Variants in GDAP1 observed in about 807,000 individuals in gnomAD.
GDAP1 encodes ganglioside-induced differentiation-associated protein 1.
A neutral mutation model predicts 40.1 loss-of-function variants in GDAP1; 34 were observed. The ratio of observed to expected loss-of-function variants is 0.85; its 90% CI spans 0.64 to 1.13. The LOEUF (loss-of-function observed/expected upper bound fraction) is 1.13. GDAP1 is among the 50% of genes most tolerant of loss of function. The probability of loss-of-function intolerance (pLI) is 0.00; values close to 1 mark genes in which losing one functional copy is unlikely to be tolerated. For synonymous variants in GDAP1, 170 were observed against 157.4 expected (o/e 1.08, Z -0.60); for missense variants, 374 against 433.7 (o/e 0.86, Z 1.22).
At chr8:74,469,402 C>T (rs1208396763) in intron 2 of GDAP1, among the ~76,000 whole-genome samples, 1 of 152,166 alleles carries the variant, frequency 6.6e-6, no homozygotes, top group Admixed American at 6.5e-5. Context: ...GGCGCAGTGG[C>T]TCACGCCTGT....
intron 2 of GDAP1, among the ~76,000 whole-genome samples, chr8:74,479,883 G>T (rs1283818057): frequency 6.6e-6 from 1 of 152,144 alleles, no homozygotes; most frequent in Non-Finnish European, 1.5e-5. Context: ...CCTAGGCTTG[G>T]AACTCACAAT....
chr8:74,360,937 ACACT>A (rs1331293537), intron 3 of GDAP1, among the ~76,000 whole-genome samples: 2 of 152,208 alleles, frequency 1.3e-5, no homozygotes, highest in African/African-American at 4.8e-5. Context: ...TTGATCAGAA[ACACT>A]CAAACTCAGA....
At chr8:74,373,243 C>A (rs200572669) in intron 2 of GDAP1, among the ~76,000 whole-genome samples, 8,530 of 152,008 alleles carry the variant, frequency 0.056, 284 homozygotes, top group East Asian at 0.12. Flanking sequence ...AATGCAGGCT[C>A]TTTTTTGGTT....
At chr8:74,428,745 G>C (rs923420978) in intron 2 of GDAP1, among the ~76,000 whole-genome samples, 1 of 140,410 alleles carries the variant, frequency 7.1e-6, no homozygotes, top group Non-Finnish European at 1.5e-5. Flanking sequence ...GCCTCCCAAA[G>C]TGCTGAGATT....
At chr8:74,412,806 C>T (rs1226028281) in intron 2 of GDAP1, among the ~76,000 whole-genome samples, 1 of 149,190 alleles carries the variant, frequency 6.7e-6, no homozygotes, top group East Asian at 1.9e-4. Context: ...CGCCTGTAAT[C>T]CCAGCACTTT....
At chr8:74,457,187 C>G (rs148408293) in intron 2 of GDAP1, among the ~76,000 whole-genome samples, 50 of 152,142 alleles carry the variant, frequency 3.3e-4, no homozygotes, top group Non-Finnish European at 5.9e-4. Context: ...TTTGAGGAGG[C>G]TGAGGGAATA....
intron 2 of GDAP1, among the ~76,000 whole-genome samples, chr8:74,486,165 A>G (rs1372532439): frequency 6.6e-6 from 1 of 152,194 alleles, no homozygotes; most frequent in East Asian, 1.9e-4. Context: ...ATCATTACCT[A>G]CAGGAAAATG....
intron 2 of GDAP1, among the ~76,000 whole-genome samples, chr8:74,402,089 A>C (rs1274722674): frequency 1.3e-5 from 2 of 150,312 alleles, no homozygotes; most frequent in East Asian, 1.9e-4. Flanking sequence ...CAAAGCTGTC[A>C]GACAGGGACA....
chr8:74,402,354 G>T (rs970765384), intron 2 of GDAP1, among the ~76,000 whole-genome samples: 1 of 150,382 alleles, frequency 6.6e-6, no homozygotes, highest in African/African-American at 2.5e-5. Flanking sequence ...AGGACCCTCC[G>T]AGCCAGTTGC....
chr8:74,443,156 C>T (rs1806182989), intron 2 of GDAP1, among the ~76,000 whole-genome samples: 1 of 152,102 alleles, frequency 6.6e-6, no homozygotes, highest in Non-Finnish European at 1.5e-5. Context: ...AGGAAGTGCC[C>T]AGTGAGCCTG....
At chr8:74,359,985 TG>T in intron 2 of GDAP1, 151 bp from the exon 3 acceptor site, 39 of 2,000 alleles carry the variant, frequency 0.019, 19 homozygotes, top group Admixed American at 0.036. Flanking sequence ...TTTCAAACTT[TG>T]AATGAATGTC....
At chr8:74,416,957 T>C (rs1486544982) in intron 2 of GDAP1, among the ~76,000 whole-genome samples, 1 of 145,184 alleles carries the variant, frequency 6.9e-6, no homozygotes, top group Non-Finnish European at 1.5e-5. Flanking sequence ...AGAGGCATAG[T>C]GCACTGCTGG....
chr8:74,365,231 G>T lies in GDAP1; in HGVS notation c.*864G>T. On this transcript the variant is annotated 3_prime_UTR_variant, in exon 6 of 6. Transcript: ENST00000220822. ...CCAAATATGTTCATTCTTCGTTTGGGGAGGCTGGTCTGTAAACACAAAAAT... is the reference window on the plus strand; with the variant it reads ...CCAAATATGTTCATTCTTCGTTTGGTGAGGCTGGTCTGTAAACACAAAAAT... 2.2e-6 allele frequency: 1 copy of T among 454,086 alleles called. No homozygotes were observed. The highest frequency in any genetic ancestry group is 4.4e-6 in the Non-Finnish European group (1 of 226,790). The allele number at this position is 454,086 out of a possible 1,614,324, so 28.1% of individuals were successfully genotyped here.
chr8:74,432,503 C>T (rs1418900461), intron 2 of GDAP1, among the ~76,000 whole-genome samples: 2 of 152,076 alleles, frequency 1.3e-5, no homozygotes, highest in African/African-American at 2.4e-5. Flanking sequence ...TTGGTTTTGG[C>T]GTAGTCCAAA....
chr8:74,439,451 G>A (rs541095573), intron 2 of GDAP1, among the ~76,000 whole-genome samples: 1 of 151,742 alleles, frequency 6.6e-6, no homozygotes, highest in South Asian at 2.1e-4. Flanking sequence ...TCTCTACTCT[G>A]TTCCATTAGT....
intron 2 of GDAP1, among the ~76,000 whole-genome samples, chr8:74,466,794 A>C (rs756126159): frequency 3.3e-5 from 5 of 152,212 alleles, no homozygotes; most frequent in Non-Finnish European, 7.3e-5. Flanking sequence ...TACATTTGTG[A>C]ATCATCACTA....
chr8:74,447,720 T>C (rs1806250067), intron 2 of GDAP1, among the ~76,000 whole-genome samples: 1 of 152,178 alleles, frequency 6.6e-6, no homozygotes, highest in Non-Finnish European at 1.5e-5. Context: ...ATGCCCCACA[T>C]GGGGCCAAGA....
chr8:74,381,769 A>C (rs1809957551), intron 2 of GDAP1, among the ~76,000 whole-genome samples: 1 of 151,954 alleles, frequency 6.6e-6, no homozygotes, highest in African/African-American at 2.4e-5. Flanking sequence ...TTAAAAAAAA[A>C]AAAAAAAAAG....
chr8:74,478,693 C>T (rs765938132), intron 2 of GDAP1, among the ~76,000 whole-genome samples: 4 of 152,172 alleles, frequency 2.6e-5, no homozygotes, highest in Admixed American at 2.6e-4. Flanking sequence ...GGCTGTGCTC[C>T]ACTGTAGCCA....
Sources: allele counts gnomAD v4.1 joint callset (sites outside exome capture counted in the v4.1 genomes callset), GRCh38; gene constraint gnomAD v4.1.1; transcripts MANE v1.5; gene names NCBI Gene and HGNC (gene_info 2026-07-23, HGNC 2026-07-21).